Variants in CAMK2D observed in about 807,000 individuals in gnomAD.
The protein encoded by CAMK2D is calcium/calmodulin dependent protein kinase II delta.
A neutral mutation model predicts 84.0 loss-of-function variants in CAMK2D; 37 were observed. The ratio of observed to expected loss-of-function variants is 0.44; its 90% CI spans 0.34 to 0.58. CAMK2D has a LOEUF of 0.58. CAMK2D is among the 20% of genes least tolerant of loss of function. The pLI is 0.02. For missense variants in CAMK2D, 448 were observed against 652.5 expected, an observed-to-expected ratio of 0.69 and a Z score of 3.41; for synonymous variants, 202 against 212.5, an observed-to-expected ratio of 0.95 and a Z score of 0.43.
At chr4:113,514,058 AAAAAT>A (rs1223841024) in intron 10 of CAMK2D, 145 bp from the exon 11 acceptor site, 2 of 494,308 alleles carry the variant, frequency 4.0e-6, no homozygotes, top group Non-Finnish European at 3.6e-6. Flanking sequence ...AAAGTTACCT[AAAAAT>A]AAAATTTTAG....
intron 16 of CAMK2D, among the ~76,000 whole-genome samples, chr4:113,485,402 T>C (rs150310720): frequency 1.3e-5 from 2 of 152,336 alleles, no homozygotes; most frequent in African/African-American, 4.8e-5. Flanking sequence ...ACTTACTAAA[T>C]AAATGTAAAA....
chr4:113,581,776 A>C (rs2098811467), intron 4 of CAMK2D, among the ~76,000 whole-genome samples: 1 of 152,196 alleles, frequency 6.6e-6, no homozygotes, highest in Non-Finnish European at 1.5e-5. Flanking sequence ...TTTGGGATTA[A>C]GAACATTAAA....
intron 4 of CAMK2D, among the ~76,000 whole-genome samples, chr4:113,586,747 G>A (rs911533871): frequency 3.3e-5 from 5 of 152,084 alleles, no homozygotes; most frequent in African/African-American, 1.2e-4. Context: ...ACTACTGATT[G>A]AGAGCTTATA....
chr4:113,754,591 C>G, intron 2 of CAMK2D: 2 of 982,682 alleles, frequency 2.0e-6, no homozygotes. Context: ...ATTAATATCA[C>G]AGTATGGCAC....
chr4:113,594,508 T>A (rs1387429077), intron 4 of CAMK2D, among the ~76,000 whole-genome samples: 2 of 152,166 alleles, frequency 1.3e-5, no homozygotes, highest in East Asian at 3.8e-4. Flanking sequence ...TATGAAGGGC[T>A]TTAATGGAAA....
intron 3 of CAMK2D, among the ~76,000 whole-genome samples, chr4:113,616,374 C>A (rs2099021195): frequency 6.6e-6 from 1 of 152,146 alleles, no homozygotes; most frequent in Non-Finnish European, 1.5e-5. Context: ...ATCCTCACCC[C>A]ACTCCTGATT....
chr4:113,573,742 C>T (rs934649545), intron 4 of CAMK2D, among the ~76,000 whole-genome samples: 19 of 152,222 alleles, frequency 1.2e-4, no homozygotes, highest in Non-Finnish European at 2.4e-4. Flanking sequence ...TTCCCTCCTA[C>T]CTAAAAGAAA....
intron 16 of CAMK2D, among the ~76,000 whole-genome samples, chr4:113,488,188 GA>G (rs1036587023): frequency 4.6e-5 from 7 of 151,770 alleles, no homozygotes. Flanking sequence ...TAGGTAATGG[GA>G]AAAAAATAGA....
At chr4:113,755,376 A>T (rs1389661788) in intron 2 of CAMK2D, among the ~76,000 whole-genome samples, 1 of 151,984 alleles carries the variant, frequency 6.6e-6, no homozygotes, top group Non-Finnish European at 1.5e-5. Context: ...GTTTTACAGA[A>T]ATATAAAATG....
intron 4 of CAMK2D, among the ~76,000 whole-genome samples, chr4:113,601,447 A>G (rs1254642891): frequency 6.6e-6 from 1 of 152,026 alleles, no homozygotes; most frequent in Non-Finnish European, 1.5e-5. Context: ...AAAAACCACT[A>G]AAATTGTTAG....
At chr4:113,520,448 TTTG>T (rs1196045696) in intron 8 of CAMK2D, among the ~76,000 whole-genome samples, 9 of 151,794 alleles carry the variant, frequency 5.9e-5, no homozygotes, top group Non-Finnish European at 1.2e-4. Flanking sequence ...AATAAAAGTG[TTTG>T]TTGTTCTAAT....
At chr4:113,603,873 T>C (rs1209916015) in intron 4 of CAMK2D, among the ~76,000 whole-genome samples, 1 of 147,518 alleles carries the variant, frequency 6.8e-6, no homozygotes, top group African/African-American at 2.5e-5. Context: ...GGAGGGAGGA[T>C]AGCTTGAGAC....
intron 3 of CAMK2D, among the ~76,000 whole-genome samples, chr4:113,639,744 G>A (rs531100020): frequency 6.6e-6 from 1 of 152,154 alleles, no homozygotes; most frequent in South Asian, 2.1e-4. Flanking sequence ...AGAAATTACA[G>A]TTTTGGGGAG....
At chr4:113,621,920 T>C (rs1036638477) in intron 3 of CAMK2D, among the ~76,000 whole-genome samples, 3 of 152,204 alleles carry the variant, frequency 2.0e-5, no homozygotes, top group African/African-American at 7.2e-5. Context: ...TAACAAGTCA[T>C]AGGTTTTAAC....
At chr4:113,659,650 T>C (rs1021843830) in intron 3 of CAMK2D, among the ~76,000 whole-genome samples, 2 of 152,228 alleles carry the variant, frequency 1.3e-5, no homozygotes, top group African/African-American at 4.8e-5. Context: ...CACCTTCATC[T>C]TAGATTTCTG....
chr4:113,594,804 T>C (rs967603344), intron 4 of CAMK2D, among the ~76,000 whole-genome samples: 8 of 152,126 alleles, frequency 5.3e-5, no homozygotes, highest in African/African-American at 1.4e-4. Flanking sequence ...TGTGGGACGA[T>C]GACAAAAAGT....
At chr4:113,590,305 A>T (rs888220038) in intron 4 of CAMK2D, among the ~76,000 whole-genome samples, 1 of 152,206 alleles carries the variant, frequency 6.6e-6, no homozygotes, top group Non-Finnish European at 1.5e-5. Context: ...TTGATAGTAT[A>T]TTGGTTTAAT....
intron 2 of CAMK2D, among the ~76,000 whole-genome samples, chr4:113,684,675 C>CT (rs1456391591): frequency 6.6e-6 from 1 of 152,130 alleles, no homozygotes; most frequent in Non-Finnish European, 1.5e-5. Context: ...CCCAGAAAGT[C>CT]TCAGTTACTG....
At chr4:113,726,349 C>T (rs1254054706) in intron 2 of CAMK2D, among the ~76,000 whole-genome samples, 1 of 146,198 alleles carries the variant, frequency 6.8e-6, no homozygotes, top group African/African-American at 2.5e-5. Flanking sequence ...ACTGCCTCCA[C>T]ATAAGATTGC....
Sources: gnomAD v4.1 joint callset for allele counts (sites outside exome capture counted in the v4.1 genomes callset) on GRCh38, gnomAD v4.1.1 for gene constraint, MANE v1.5 for transcripts, NCBI Gene and HGNC (gene_info 2026-07-23, HGNC 2026-07-21) for gene names.